Variants in PRELID2 observed in about 807,000 individuals in gnomAD.
The protein encoded by PRELID2 is PRELI domain-containing protein 2.
PRELID2 carries 25 observed loss-of-function variants against 28.4 expected under a neutral mutation model. The observed-to-expected ratio is 0.88, with a 90% CI of 0.64 to 1.23. The LOEUF is 1.23. Among genes scored for constraint, PRELID2 ranks in the 50% most tolerant of loss-of-function variants. The pLI, the probability that PRELID2 is intolerant of heterozygous loss-of-function variation, is 0.00. For synonymous variants in PRELID2, 76 were observed against 71.6 expected (o/e 1.06, Z -0.31); for missense variants, 201 against 214.4 (o/e 0.94, Z 0.39).
the PRELID2 span, among the ~76,000 whole-genome samples, chr5:145,319,301 T>C: frequency 6.6e-6 from 1 of 152,298 alleles, no homozygotes; most frequent in Non-Finnish European, 1.5e-5. Flanking sequence ...TAATGTCAAC[T>C]GAAGAAAGTG....
At chr5:145,594,622 C>T (rs1435291194) in intron 1 of PRELID2, among the ~76,000 whole-genome samples, 1 of 151,902 alleles carries the variant, frequency 6.6e-6, no homozygotes, top group Admixed American at 6.6e-5. Context: ...CTTATGTAGC[C>T]ACAAAAGTAA....
the PRELID2 span, among the ~76,000 whole-genome samples, chr5:145,288,217 A>C: frequency 6.6e-6 from 1 of 152,184 alleles, no homozygotes; most frequent in African/African-American, 2.4e-5. Context: ...AGAGGTAGAA[A>C]GTTATGTGGG....
chr5:145,257,328 A>G, the PRELID2 span, among the ~76,000 whole-genome samples: 1 of 152,142 alleles, frequency 6.6e-6, no homozygotes, highest in Non-Finnish European at 1.5e-5. Flanking sequence ...GAGAAATTAA[A>G]TATGCTTACT....
intron 1 of PRELID2, among the ~76,000 whole-genome samples, chr5:145,718,193 G>C (rs1755892169): frequency 6.6e-6 from 1 of 151,986 alleles, no homozygotes; most frequent in South Asian, 2.1e-4. Flanking sequence ...ACAGAATCTA[G>C]AGACAAGCTA....
At chr5:145,507,179 A>G (rs918301646) in intron 1 of PRELID2, among the ~76,000 whole-genome samples, 2 of 151,386 alleles carry the variant, frequency 1.3e-5, no homozygotes, top group Admixed American at 6.6e-5. Flanking sequence ...CCCTCAGCAT[A>G]TTTTCAGTTA....
intron 1 of PRELID2, among the ~76,000 whole-genome samples, chr5:145,827,487 C>T (rs998801447): frequency 6.6e-6 from 1 of 152,172 alleles, no homozygotes; most frequent in Non-Finnish European, 1.5e-5. Flanking sequence ...ACGCTGCCAT[C>T]TGTGAGGTCG....
At chr5:145,783,660 G>C (rs936438461) in intron 5 of PRELID2, among the ~76,000 whole-genome samples, 2 of 152,050 alleles carry the variant, frequency 1.3e-5, no homozygotes, top group African/African-American at 4.8e-5. Flanking sequence ...TCTGGAATAG[G>C]GAAAAAATAT....
chr5:145,439,513 T>C, the PRELID2 span, among the ~76,000 whole-genome samples: 1 of 152,134 alleles, frequency 6.6e-6, no homozygotes, highest in Admixed American at 6.6e-5. Flanking sequence ...CCCCAAAGCC[T>C]ATCATCTTTA....
At chr5:145,704,565 C>A (rs973092397) in intron 1 of PRELID2, among the ~76,000 whole-genome samples, 1 of 152,170 alleles carries the variant, frequency 6.6e-6, no homozygotes, top group Non-Finnish European at 1.5e-5. Context: ...AAATAGGAAA[C>A]AATATAATGA....
the PRELID2 span, among the ~76,000 whole-genome samples, chr5:145,461,942 T>G: frequency 2.0e-5 from 3 of 152,134 alleles, no homozygotes; most frequent in Admixed American, 6.6e-5. Flanking sequence ...GCAGCATGAG[T>G]AAAAAATAAA....
At chr5:145,742,490 C>T (rs1210439277) in intron 1 of PRELID2, among the ~76,000 whole-genome samples, 1 of 126,716 alleles carries the variant, frequency 7.9e-6, no homozygotes, top group African/African-American at 3.0e-5. Flanking sequence ...AAACAACAAA[C>T]TTCTCATTAA....
At chr5:145,824,708 G>A (rs1755064242) in intron 1 of PRELID2, among the ~76,000 whole-genome samples, 1 of 152,012 alleles carries the variant, frequency 6.6e-6, no homozygotes, top group Non-Finnish European at 1.5e-5. Context: ...TGACCTCAGG[G>A]ATCAATTTGG....
At chr5:145,263,476 C>CA in the PRELID2 span, among the ~76,000 whole-genome samples, 1 of 150,166 alleles carries the variant, frequency 6.7e-6, no homozygotes, top group Admixed American at 6.6e-5. Context: ...TAAATTAAAA[C>CA]AAAAAAAATT....
chr5:145,413,024 T>C, the PRELID2 span, among the ~76,000 whole-genome samples: 1 of 152,090 alleles, frequency 6.6e-6, no homozygotes, highest in Non-Finnish European at 1.5e-5. Context: ...CCTTGACACA[T>C]TGGGATTATT....
At chr5:145,722,332 C>T (rs2149718340) in intron 1 of PRELID2, among the ~76,000 whole-genome samples, 1 of 152,260 alleles carries the variant, frequency 6.6e-6, no homozygotes, top group East Asian at 1.9e-4. Flanking sequence ...CAGAGTCTCG[C>T]TCTGTCTCCC....
At chr5:145,834,795 A>G (rs1457023903) in intron 1 of PRELID2, 2 of 189,164 alleles carry the variant, frequency 1.1e-5, no homozygotes, top group Non-Finnish European at 1.1e-5. Flanking sequence ...CAGCAGAACC[A>G]TCATGCTGAG....
At chr5:145,257,411 A>G in the PRELID2 span, among the ~76,000 whole-genome samples, 1 of 150,850 alleles carries the variant, frequency 6.6e-6, no homozygotes. Flanking sequence ...GAAGATAAAA[A>G]TGAATATTTT....
intron 1 of PRELID2, among the ~76,000 whole-genome samples, chr5:145,580,343 T>A (rs1362873250): frequency 6.6e-6 from 1 of 152,118 alleles, no homozygotes; most frequent in South Asian, 2.1e-4. Flanking sequence ...GTTTATTTAA[T>A]AGCAGGAGAG....
the PRELID2 span, among the ~76,000 whole-genome samples, chr5:145,434,670 C>T: frequency 1.3e-5 from 2 of 152,144 alleles, no homozygotes; most frequent in Admixed American, 1.3e-4. Flanking sequence ...GCACAGTTGA[C>T]CCCATCCCAC....
Sources: gnomAD v4.1 joint callset for allele counts (sites outside exome capture counted in the v4.1 genomes callset) on GRCh38, gnomAD v4.1.1 for gene constraint, MANE v1.5 for transcripts, NCBI Gene and HGNC (gene_info 2026-07-23, HGNC 2026-07-21) for gene names.